Variants in STRC observed in about 807,000 individuals in gnomAD.
The protein encoded by STRC is stereocilin.
In STRC, 43 loss-of-function variants were observed where a neutral mutation model predicts 103.5. That is an observed-to-expected ratio of 0.42 (90% CI 0.33 to 0.54). STRC has a LOEUF of 0.54. STRC is among the 20% of genes least tolerant of loss of function. The pLI, the probability that STRC is intolerant of heterozygous loss-of-function variation, is 0.14. For missense variants in STRC, 499 were observed against 1,088.5 expected (o/e 0.46, Z 7.62); for synonymous variants, 186 against 442.3 (o/e 0.42, Z 7.27).
chr15:43,600,396 C>T, intron 26 of STRC, 103 bp from the exon 27 acceptor site: 1 of 1,316,154 alleles, frequency 7.6e-7, no homozygotes, highest in Non-Finnish European at 1.1e-6. Flanking sequence ...TATCATAGAC[C>T]TTCCCCAATA....
At chr15:43,609,380 C>T (rs2085733149) in intron 15 of STRC, 46 bp from the exon 16 acceptor site, 1 of 1,565,194 alleles carries the variant, frequency 6.4e-7, no homozygotes, top group African/African-American at 1.5e-5. Flanking sequence ...GAGACACTGT[C>T]CAAGGATACC....
Position 43,609,349 on chromosome 15 carries a change from A to C in STRC, c.3499-15T>G. ...AGAAACTGTGCCTACAAGAGAAAGAAAGACGAGCCCCTTCCCAGAAGAGAC... is the reference window on the plus strand; with the variant it reads ...AGAAACTGTGCCTACAAGAGAAAGACAGACGAGCCCCTTCCCAGAAGAGAC... On this transcript the variant is annotated splice_polypyrimidine_tract_variant and intron_variant, in intron 15 of 28. Coordinates refer to ENST00000450892, the MANE Select transcript of STRC (RefSeq NM_153700.2). The C allele has an allele frequency of 6.2e-7, 1 of 1,605,474 alleles. No individual in the cohort carries two copies. Among genetic ancestry groups the C allele is most frequent in the East Asian group, 2.3e-5 (1 of 44,214 alleles).
At chr15:43,608,820 G>A (rs2085729478) in intron 16 of STRC, among the ~76,000 whole-genome samples, 1 of 150,476 alleles carries the variant, frequency 6.6e-6, no homozygotes, top group Non-Finnish European at 1.5e-5. Flanking sequence ...TTCTTGCTTG[G>A]CCAGTGCCTC....
intron 20 of STRC, 85 bp from the exon 21 acceptor site, chr15:43,604,536 C>G (rs559052939): frequency 3.1e-6 from 5 of 1,607,916 alleles, no homozygotes; most frequent in Non-Finnish European, 4.3e-6. Context: ...GCTAGGATTT[C>G]GGACACAGGG....
chr15:43,606,946 G>A (rs1205005258), intron 18 of STRC, among the ~76,000 whole-genome samples: 1 of 117,910 alleles, frequency 8.5e-6, no homozygotes, highest in Non-Finnish European at 1.7e-5. Context: ...GTTGCAGTGA[G>A]CCGAGATCAC....
intron 19 of STRC, 110 bp downstream of exon 19, chr15:43,605,154 G>C: frequency 1.3e-6 from 2 of 1,549,866 alleles, no homozygotes; most frequent in Non-Finnish European, 1.7e-6. Context: ...GAATCTGTTT[G>C]GCAGCAAGAA....
Position 43,605,278 on chromosome 15 carries a change from C to A in STRC, c.3916G>T (p.Ala1306Ser), listed in dbSNP as rs1317711259. The A allele has an allele frequency of 3.1e-6, 5 of 1,587,892 alleles. No individual in the cohort carries two copies. The highest frequency in any genetic ancestry group is 4.3e-6 in the Non-Finnish European group (5 of 1,166,158). The change falls in exon 19 of 29, where the codon GCA (alanine) becomes TCA (serine). Residue 1306 changes from alanine (A) to serine (S), a missense_variant. By Grantham distance (99) the Ala-to-Ser change is moderately conservative. Coordinates refer to ENST00000450892, the MANE Select transcript of STRC (RefSeq NM_153700.2). ...PLHQAALAER[A>S]LQNLAPKETP... ...TGGACTCTTACCAGGTTTTGTAGTG[C>A]CCTCTCTGCCAGGGCTGCCTGGTGG...
Position 43,610,995 on chromosome 15 carries a change from A to C in STRC, c.3307-11T>G, listed in dbSNP as rs753091369. 2.3e-6 allele frequency: 3 copies of C among 1,318,698 alleles called. No homozygotes were observed. In the African/African-American group the frequency reaches 7.9e-5, roughly 35 times the overall value. 81.7% of individuals were successfully genotyped at this position (1,318,698 alleles called of 1,614,324 possible). A position where few individuals can be genotyped will look rare whatever the true frequency, so the allele number is the denominator to read the frequency against. ...AACACCATCTTTAACCTGCATGAGA[A>C]TTGGTTGTGTGTGTGTGTGTGTGTG... On this transcript the variant is annotated splice_polypyrimidine_tract_variant and intron_variant, in intron 13 of 28. Transcript: ENST00000450892.
chr15:43,605,100 G>A, intron 19 of STRC, 164 bp downstream of exon 19: 1 of 1,396,462 alleles, frequency 7.2e-7, no homozygotes, highest in African/African-American at 1.4e-5. Flanking sequence ...TATTATCAAG[G>A]AACAGAACCC....
At chr15:43,603,741 C>T (rs1158975982) in intron 22 of STRC, among the ~76,000 whole-genome samples, 4 of 151,900 alleles carry the variant, frequency 2.6e-5, no homozygotes, top group Admixed American at 6.6e-5. Context: ...CACACTTAGC[C>T]GAGCTAGAGC....
rs1306264591 is a variant in STRC at position 43,604,469 on chromosome 15, A to G, written c.4128-18T>C. ...CTGGTTTCCTGGGGACAGGAAGAAAATCGGGGGCTGGGGAGCTGAGGGAAC... is the reference window on the plus strand; with the variant it reads ...CTGGTTTCCTGGGGACAGGAAGAAAGTCGGGGGCTGGGGAGCTGAGGGAAC... On this transcript the variant is annotated intron_variant, in intron 20 of 28. Transcript: ENST00000450892. 1 of 1,561,544 alleles carries G rather than the reference A, an allele frequency of 6.4e-7. No homozygotes were observed. The highest frequency in any genetic ancestry group is 8.7e-7 in the Non-Finnish European group (1 of 1,150,026).
rs759841051 is a variant in STRC, at chr15:43,607,983, G to A, written c.3682-8C>T. The A allele has an allele frequency of 1.2e-6, 2 of 1,610,854 alleles. No homozygotes were observed. The highest frequency in any genetic ancestry group is 2.2e-5 in the East Asian group (1 of 44,788). On this transcript the variant is annotated splice_region_variant and splice_polypyrimidine_tract_variant and intron_variant, in intron 17 of 28. Transcript: ENST00000450892. ...TGCCCAGATACAGGCCCTCTGTAGG[G>A]AAGCAGTGTGAGGCCAGAGCAGAAC...
chr15:43,605,162 G>C, intron 19 of STRC, 102 bp downstream of exon 19: 3 of 1,554,850 alleles, frequency 1.9e-6, no homozygotes, highest in Non-Finnish European at 2.6e-6. Context: ...TTGGCAGCAA[G>C]AAAGCAAGAA....
At chr15:43,608,019 G>T in intron 17 of STRC, 44 bp from the exon 18 acceptor site, 2 of 1,611,026 alleles carry the variant, frequency 1.2e-6, no homozygotes, top group Non-Finnish European at 1.7e-6. Context: ...ATAGGAGCTG[G>T]GTTCTATACC....
At chr15:43,609,359 C>A (rs951755645) in intron 15 of STRC, 25 bp from the exon 16 acceptor site, 2 of 1,599,852 alleles carry the variant, frequency 1.3e-6, no homozygotes, top group African/African-American at 2.8e-5. Context: ...AAGACGAGCC[C>A]CTTCCCAGAA....
intron 24 of STRC, among the ~76,000 whole-genome samples, 185 bp from the exon 25 acceptor site, chr15:43,601,199 G>A (rs1003612295): frequency 6.6e-6 from 1 of 151,740 alleles, no homozygotes; most frequent in Non-Finnish European, 1.5e-5. Flanking sequence ...AGAGGTAGGA[G>A]ACAGTATTAT....
At chr15:43,604,948 C>T in intron 19 of STRC, 102 bp from the exon 20 acceptor site, 1 of 1,502,130 alleles carries the variant, frequency 6.7e-7, no homozygotes, top group South Asian at 1.2e-5. Flanking sequence ...CCTCCTGCTC[C>T]CAGCTCAGCA....
rs1567120304 is a variant in STRC, at chr15:43,617,681, A to AG, written c.739dup (p.Leu247ProfsTer19). On this transcript the variant is annotated frameshift_variant, in exon 2 of 29. Coordinates refer to ENST00000450892, the MANE Select transcript of STRC (RefSeq NM_153700.2). LOFTEE classifies it high-confidence loss of function. ...CAGCCCCTCCTGAAAGGCAGCATAG[A>AG]GGGGGGCCCCCACTGTGCGTAGCAG... 10 of 779,598 alleles carry AG rather than the reference A, an allele frequency of 1.3e-5. No individual in the cohort carries two copies. In the Middle Eastern group the frequency reaches 1.4e-3, roughly 111 times the overall value. 48.3% of individuals were successfully genotyped at this position (779,598 alleles called of 1,614,324 possible).
chr15:43,603,361 A>G lies in STRC; in HGVS notation c.4426T>C (p.Ser1476Pro), dbSNP rs2085687278. ...DVRGTFPAAW[S>P]ATQIAEMELS... is the part of the protein sequence containing the mutation. The stretch of plus-strand genomic sequence containing the variant: ...TCCATCTCTGCAATCTGGGTTGCAG[A>G]CCAGGCTGCTGGGAATGTCCCTCGT... The change falls in exon 23 of 29, where the codon TCT (serine) becomes CCT (proline). Residue 1476 changes from serine (S) to proline (P), a missense_variant. By Grantham distance (74) the Ser-to-Pro change is moderately conservative (BLOSUM62 -1). Coordinates refer to ENST00000450892, the MANE Select transcript of STRC (RefSeq NM_153700.2). 3 of 1,613,692 alleles carry G rather than the reference A, an allele frequency of 1.9e-6. No homozygotes were observed. In the South Asian group the frequency reaches 3.3e-5, roughly 18 times the overall value.
Sources: gnomAD v4.1 joint callset for allele counts (sites outside exome capture counted in the v4.1 genomes callset) on GRCh38, gnomAD v4.1.1 for gene constraint, MANE v1.5 for transcripts, NCBI Gene and HGNC (gene_info 2026-07-23, HGNC 2026-07-21) for gene names.